TESPA1: variants seen among roughly 807,000 people sequenced by gnomAD.
TESPA1 encodes protein TESPA1.
A neutral mutation model predicts 57.9 loss-of-function variants in TESPA1; 33 were observed. The ratio of observed to expected loss-of-function variants is 0.57; its 90% CI spans 0.43 to 0.76. The LOEUF is 0.76. Among genes scored for constraint, TESPA1 ranks in the 30% least tolerant of loss-of-function variants. The pLI is 0.00. For missense variants in TESPA1, 618 were observed against 632.9 expected (o/e 0.98, Z 0.25); for synonymous variants, 227 against 228.9 (o/e 0.99, Z 0.07).
At chr12:54,963,407 C>T (rs1358379386) in intron 8 of TESPA1, among the ~76,000 whole-genome samples, 165 bp from the exon 9 acceptor site, 4 of 152,042 alleles carry the variant, frequency 2.6e-5, no homozygotes, top group African/African-American at 4.8e-5. Context: ...TCTGGAATTT[C>T]GTAACTTCTT....
At chr12:54,967,952 T>C (rs1951551692) in intron 3 of TESPA1, 60 bp from the exon 4 acceptor site, 1 of 1,609,680 alleles carries the variant, frequency 6.2e-7, no homozygotes, top group Non-Finnish European at 8.5e-7. Flanking sequence ...AGGAGCTTTT[T>C]CATGGAAAAA....
chr12:54,978,007 C>T (rs1292890809), intron 1 of TESPA1, among the ~76,000 whole-genome samples: 3 of 148,360 alleles, frequency 2.0e-5, no homozygotes, highest in African/African-American at 7.4e-5. Flanking sequence ...GACAAGAAAC[C>T]GTTTTTTTTT....
At chr12:54,973,308 C>T (rs780679277) in intron 3 of TESPA1, among the ~76,000 whole-genome samples, 169 bp downstream of exon 3, 14 of 152,182 alleles carry the variant, frequency 9.2e-5, no homozygotes, top group Non-Finnish European at 1.0e-4. Context: ...ATTGTGATCA[C>T]CAGTTCACCC....
chr12:54,962,088 A>G (rs1049415027), intron 9 of TESPA1, among the ~76,000 whole-genome samples: 7 of 152,160 alleles, frequency 4.6e-5, no homozygotes, highest in African/African-American at 1.7e-4. Flanking sequence ...GGGAGAATTT[A>G]TTTTATTTAA....
intron 2 of TESPA1, 149 bp downstream of exon 2, chr12:54,974,251 T>C (rs1952022919): frequency 1.6e-6 from 1 of 614,416 alleles, no homozygotes; most frequent in Non-Finnish European, 2.5e-6. Context: ...TTACTTTAGC[T>C]TTTCTCCTAA....
Position 54,979,435 on chromosome 12 carries a change from C to T in TESPA1, c.-45-4828G>A, listed in dbSNP as rs146267340. On this transcript the variant is annotated intron_variant, in intron 1 of 10. Coordinates refer to ENST00000449076, the MANE Select transcript of TESPA1 (RefSeq NM_001136030.3). ...GGTACTATTGCTTCTTGCCTGAATC[C>T]GCCCAAACCCTCATGTCCCCCCTCT... is the stretch of plus-strand genomic sequence containing the variant. Among the ~76,000 whole-genome samples, 424 of 152,250 alleles carry T rather than the reference C, an allele frequency of 2.8e-3. 2 individuals are homozygous for T. The highest frequency in any genetic ancestry group is 5.0e-3 in the Non-Finnish European group (337 of 68,024).
At chr12:54,971,332 A>T (rs1246022354) in intron 3 of TESPA1, among the ~76,000 whole-genome samples, 1 of 152,238 alleles carries the variant, frequency 6.6e-6, no homozygotes, top group African/African-American at 2.4e-5. Flanking sequence ...GTAATTTAGA[A>T]TCTCATGTTT....
chr12:54,953,523 T>G (rs1293603555), intron 10 of TESPA1, among the ~76,000 whole-genome samples: 1 of 101,798 alleles, frequency 9.8e-6, no homozygotes, highest in Non-Finnish European at 1.7e-5. Flanking sequence ...TTTTATTTAC[T>G]TTTTTTTTTT....
intron 9 of TESPA1, 101 bp downstream of exon 9, chr12:54,962,330 G>T: frequency 1.5e-6 from 2 of 1,338,708 alleles, no homozygotes; most frequent in Non-Finnish European, 2.0e-6. Flanking sequence ...AGGACAGGAA[G>T]CCTGGATTAT....
At chr12:54,965,605 G>A (rs530121582) in intron 7 of TESPA1, among the ~76,000 whole-genome samples, 1 of 152,278 alleles carries the variant, frequency 6.6e-6, no homozygotes, top group South Asian at 2.1e-4. Context: ...TGGGCAGCTG[G>A]GTTGATTCCA....
chr12:54,961,219 T>C lies in TESPA1; in HGVS notation c.1516A>G (p.Arg506Gly), dbSNP rs774253285. 4.3e-6 allele frequency: 7 copies of C among 1,613,890 alleles called. No homozygotes were observed. In the African/African-American group the frequency reaches 6.7e-5, roughly 15 times the overall value. ...EEQSQSRWPS[R>G]PRHPHHHQTF... ...TGGTGGTGGTGGGGGTGCCTGGGTC[T>C]GCTGGGCCAGCGACTCTGACTCTGC... is the stretch of plus-strand genomic sequence containing the variant. The change falls in exon 10 of 11, where the codon AGA becomes GGA. Residue 506 changes from arginine (R) to glycine (G), a missense_variant. Coordinates refer to ENST00000449076, the MANE Select transcript of TESPA1 (RefSeq NM_001136030.3).
intron 3 of TESPA1, among the ~76,000 whole-genome samples, chr12:54,969,021 GTATATA>G (rs56901356): frequency 0.027 from 2,234 of 83,658 alleles, 99 homozygotes; most frequent in African/African-American, 0.097. Flanking sequence ...ATTTATATAT[GTATATA>G]TATATATATA....
At chr12:54,953,023 T>C (rs1328068733) in intron 10 of TESPA1, among the ~76,000 whole-genome samples, 12 of 152,046 alleles carry the variant, frequency 7.9e-5, no homozygotes, top group African/African-American at 2.9e-4. Flanking sequence ...TCCTCCCCTC[T>C]ATTCCCACTG....
intron 1 of TESPA1, among the ~76,000 whole-genome samples, chr12:54,977,857 C>T (rs1017221277): frequency 6.6e-6 from 1 of 152,082 alleles, no homozygotes; most frequent in Admixed American, 6.5e-5. Flanking sequence ...AATTTTTTTC[C>T]CAATCTCAGC....
intron 1 of TESPA1, among the ~76,000 whole-genome samples, chr12:54,982,517 G>C (rs1349740940): frequency 6.6e-6 from 1 of 152,032 alleles, no homozygotes; most frequent in Non-Finnish European, 1.5e-5. Context: ...TCCACTTTTA[G>C]GATATGAATT....
intron 7 of TESPA1, 78 bp from the exon 8 acceptor site, chr12:54,964,028 A>C: frequency 7.2e-7 from 1 of 1,391,954 alleles, no homozygotes; most frequent in Non-Finnish European, 1.0e-6. Flanking sequence ...TATCTAATAA[A>C]AGTGTCAGAA....
In TESPA1 at chr12:54,961,265, C is replaced by T; in HGVS notation, c.1470G>A (p.Val490=). The change falls in exon 10 of 11, where the codon GTG becomes GTA. Residue 490 remains valine, a splice_region_variant and synonymous_variant. Transcript: ENST00000449076. ...QPQDTFDLEE[V]QSNSEEEQSQ... ...TCTGCTCCTCCTCACTGTTGCTTTGCACCTGTAACCAAGATCCCACAGAAC... is the reference window on the plus strand; with the variant it reads ...TCTGCTCCTCCTCACTGTTGCTTTGTACCTGTAACCAAGATCCCACAGAAC... 2 of 1,613,880 alleles carry T rather than the reference C, an allele frequency of 1.2e-6. No individual in the cohort carries two copies. Among genetic ancestry groups the T allele is most frequent in the South Asian group, 1.1e-5 (1 of 91,074 alleles).
upstream of TESPA1, among the ~76,000 whole-genome samples, chr12:54,984,928 TC>T (rs894511453): frequency 9.8e-5 from 15 of 152,330 alleles, no homozygotes; most frequent in African/African-American, 3.4e-4. Flanking sequence ...CCTCTGTCTT[TC>T]CAGAAAAACA....
intron 5 of TESPA1, 99 bp downstream of exon 5, chr12:54,967,084 G>T: frequency 7.4e-7 from 1 of 1,345,958 alleles, no homozygotes; most frequent in Non-Finnish European, 1.0e-6. Context: ...CCAGGGATGG[G>T]CTGTTTCTTT....
Sources: gnomAD v4.1 joint callset for allele counts (sites outside exome capture counted in the v4.1 genomes callset) on GRCh38, gnomAD v4.1.1 for gene constraint, MANE v1.5 for transcripts, NCBI Gene and HGNC (gene_info 2026-07-23, HGNC 2026-07-21) for gene names.